Variants in LGR4 observed in about 807,000 individuals in gnomAD.
LGR4 encodes the protein leucine rich repeat containing G protein-coupled receptor 4, also known as leucine-rich repeat-containing G protein-coupled receptor 4.
A neutral mutation model predicts 84.8 loss-of-function variants in LGR4; 44 were observed. The observed-to-expected ratio is 0.52, with a 90% CI of 0.41 to 0.67. The LOEUF is 0.67. Ranked by LOEUF, LGR4 falls within the 30% of genes least tolerant of loss-of-function variation. The probability of loss-of-function intolerance (pLI) is 0.00; values close to 1 mark genes in which losing one functional copy is unlikely to be tolerated. For missense variants in LGR4, 1,032 were observed against 1,131.4 expected (o/e 0.91, Z 1.26); for synonymous variants, 429 against 434.3 (o/e 0.99, Z 0.15).
chr11:27,409,063 G>A (rs567266001), intron 2 of LGR4, among the ~76,000 whole-genome samples: 7 of 152,100 alleles, frequency 4.6e-5, no homozygotes, highest in African/African-American at 1.7e-4. Flanking sequence ...ATATACAGAA[G>A]AAGCAGGATT....
intron 1 of LGR4, among the ~76,000 whole-genome samples, chr11:27,417,344 A>T (rs1013663557): frequency 2.0e-5 from 3 of 151,970 alleles, no homozygotes; most frequent in African/African-American, 7.3e-5. Flanking sequence ...AGAAATAAAT[A>T]AAAAAAACTC....
At chr11:27,428,499 G>A (rs573455565) in intron 1 of LGR4, among the ~76,000 whole-genome samples, 1 of 152,312 alleles carries the variant, frequency 6.6e-6, no homozygotes, top group South Asian at 2.1e-4. Context: ...CACGCTCTAC[G>A]TGCCTGGCAT....
At position 27,395,488 on chromosome 11, in the gene LGR4, C is replaced by T. The variant is rs559054964; in HGVS notation, c.258-2970G>A. Among the ~76,000 whole-genome samples, 10 of 152,292 alleles carry T rather than the reference C, an allele frequency of 6.6e-5. No individual in the cohort carries two copies. In the South Asian group the frequency reaches 1.2e-3, roughly 19 times the overall value. ...TGCTTCCTTTTCCCAAATCTCTGCC[C>T]GTTTTATAAACCATGAGAAAACTAA... On this transcript the variant is annotated intron_variant, in intron 2 of 17. Transcript: ENST00000379214.
At chr11:27,411,129 T>C (rs952626102) in intron 2 of LGR4, among the ~76,000 whole-genome samples, 2 of 152,054 alleles carry the variant, frequency 1.3e-5, no homozygotes, top group East Asian at 1.9e-4. Flanking sequence ...ACATTACCCA[T>C]CCCATAGTGA....
intron 2 of LGR4, among the ~76,000 whole-genome samples, chr11:27,397,258 A>G (rs1333539272): frequency 1.3e-5 from 2 of 152,118 alleles, no homozygotes; most frequent in Admixed American, 6.5e-5. Context: ...AGGGTACGCT[A>G]CCACCGGTAT....
intron 1 of LGR4, among the ~76,000 whole-genome samples, chr11:27,417,055 T>C (rs911719677): frequency 6.6e-6 from 1 of 152,198 alleles, no homozygotes; most frequent in Non-Finnish European, 1.5e-5. Context: ...TGCCACAGAA[T>C]TATTTAATTT....
At chr11:27,438,030 A>T (rs1182449588) in intron 1 of LGR4, among the ~76,000 whole-genome samples, 2 of 152,160 alleles carry the variant, frequency 1.3e-5, no homozygotes, top group East Asian at 3.9e-4. Flanking sequence ...CCAGGAAAAA[A>T]AAGACATAGA....
chr11:27,432,680 C>G (rs6484298), intron 1 of LGR4, among the ~76,000 whole-genome samples: 1 of 152,336 alleles, frequency 6.6e-6, no homozygotes, highest in South Asian at 2.1e-4. Flanking sequence ...TAAGATCTTA[C>G]AGAGGACCCC....
intron 2 of LGR4, 85 bp downstream of exon 2, chr11:27,412,704 A>G: frequency 1.2e-6 from 1 of 846,106 alleles, no homozygotes. Flanking sequence ...TCTAACAGAA[A>G]ACATCAGACT....
At chr11:27,396,788 C>T (rs183809132) in intron 2 of LGR4, among the ~76,000 whole-genome samples, 1 of 152,204 alleles carries the variant, frequency 6.6e-6, no homozygotes, top group Admixed American at 6.5e-5. Context: ...TATTCTTTTA[C>T]TATTTTCCAG....
intron 7 of LGR4, among the ~76,000 whole-genome samples, chr11:27,381,518 G>GA (rs902944336): frequency 1.3e-5 from 2 of 152,028 alleles, no homozygotes; most frequent in Admixed American, 6.6e-5. Flanking sequence ...CCTATCTCTA[G>GA]AAAAAATTTA....
At chr11:27,398,804 C>T (rs1415397974) in intron 2 of LGR4, among the ~76,000 whole-genome samples, 3 of 152,198 alleles carry the variant, frequency 2.0e-5, no homozygotes, top group South Asian at 2.1e-4. Context: ...ATTGGGCTCC[C>T]GTCAAGTCCT....
rs8290 is a variant in LGR4 at position 27,366,085 on chromosome 11, G to A, written c.*1782C>T. On this transcript the variant is annotated 3_prime_UTR_variant, in exon 18 of 18. Coordinates refer to ENST00000379214, the MANE Select transcript of LGR4 (RefSeq NM_018490.5). ...AGTTTTTAAATGAATAAAATGAAAA[G>A]TTTTCAATAACCTGAATTTTGGAAA... The A allele has an allele frequency of 0.68, 103,164 of 152,284 alleles. 35,186 individuals are homozygous for A. Among genetic ancestry groups the A allele is most frequent in the Admixed American group, 0.77 (11,692 of 15,278 alleles). The allele number at this position is 152,284 out of a possible 1,614,324, so 9.4% of individuals were successfully genotyped here.
chr11:27,385,328 G>C lies in LGR4; in HGVS notation c.542C>G (p.Ala181Gly). ...GATCTTGTTGAGAGCCAGGGTCAGC[G>C]CCTGTAGGGTGGGCAGATTGCTGAG... is the stretch of plus-strand genomic sequence containing the variant. ...HPLSNLPTLQ[A>G]LTLALNKISS... Residue 181 changes from alanine (A) to glycine (G), a missense_variant, in exon 5 of 18, where the codon GCG becomes GGG. By Grantham distance (60) the Ala-to-Gly change is moderately conservative. Coordinates refer to ENST00000379214, the MANE Select transcript of LGR4 (RefSeq NM_018490.5). The C allele has an allele frequency of 1.2e-6, 2 of 1,610,722 alleles. No homozygotes were observed. The highest frequency in any genetic ancestry group is 1.3e-5 in the African/African-American group (1 of 75,024).
chr11:27,456,995 T>A (rs1259734345), intron 1 of LGR4, among the ~76,000 whole-genome samples: 1 of 152,142 alleles, frequency 6.6e-6, no homozygotes, highest in Admixed American at 6.5e-5. Context: ...TTGTTTCTCA[T>A]TTCACCTGTT....
Position 27,426,777 on chromosome 11 carries a change from A to C in LGR4, c.186-13917T>G, listed in dbSNP as rs1864030711. The stretch of plus-strand genomic sequence containing the variant: ...GGGAACTGAGACCCAGAGGGGTTAA[A>C]TAATTCATTAAAGTATCAAGATCAG... On this transcript the variant is annotated intron_variant, in intron 1 of 17. Transcript: ENST00000379214. Among the ~76,000 whole-genome samples, 3 of 152,254 alleles carry C rather than the reference A, an allele frequency of 2.0e-5. No individual in the cohort carries two copies. The South Asian group carries it at 6.2e-4, about 31-fold the overall frequency.
intron 1 of LGR4, among the ~76,000 whole-genome samples, chr11:27,423,393 C>T (rs1459642048): frequency 6.6e-6 from 1 of 152,222 alleles, no homozygotes; most frequent in South Asian, 2.1e-4. Flanking sequence ...GTGGAGCAAT[C>T]ACTTCGCCTC....
At chr11:27,454,507 C>A (rs1590406851) in intron 1 of LGR4, among the ~76,000 whole-genome samples, 1 of 152,276 alleles carries the variant, frequency 6.6e-6, no homozygotes, top group East Asian at 1.9e-4. Context: ...TGCCTGTAAT[C>A]CCAGCACTTT....
intron 2 of LGR4, among the ~76,000 whole-genome samples, chr11:27,405,293 C>T (rs1194465132): frequency 6.6e-6 from 1 of 152,134 alleles, no homozygotes; most frequent in Non-Finnish European, 1.5e-5. Flanking sequence ...CAGAGTTCTG[C>T]CCCAGTTCTC....
Sources: allele counts gnomAD v4.1 joint callset (sites outside exome capture counted in the v4.1 genomes callset), GRCh38; gene constraint gnomAD v4.1.1; transcripts MANE v1.5; gene names NCBI Gene and HGNC (gene_info 2026-07-23, HGNC 2026-07-21).